MSL2: variants seen among roughly 807,000 people sequenced by gnomAD.
The protein encoded by MSL2 is MSL complex subunit 2.
A neutral mutation model predicts 35.8 loss-of-function variants in MSL2; 2 were observed. The observed-to-expected ratio is 0.06, with a 90% confidence interval of 0.02 to 0.18. The LOEUF is 0.18. Among genes scored for constraint, MSL2 ranks in the 10% least tolerant of loss-of-function variants. The pLI is 1.00. For missense variants in MSL2, 523 were observed against 706.7 expected, an observed-to-expected ratio of 0.74 and a Z score of 2.95; for synonymous variants, 296 against 255.7, an observed-to-expected ratio of 1.16 and a Z score of -1.50.
chr3:136,180,800 G>GGAAGGAAGGAAGGAAGGAA (rs1559969269), intron 1 of MSL2, among the ~76,000 whole-genome samples: 1 of 49,522 alleles, frequency 2.0e-5, no homozygotes, highest in African/African-American at 9.4e-5. Flanking sequence ...GAGGGAGGGA[G>GGAAGGAAGGAAGGAAGGAA]GGAGGGAGGG....
chr3:136,152,942 T>C (rs1056189000), intron 1 of MSL2: 1 of 985,318 alleles, frequency 1.0e-6, no homozygotes, highest in African/African-American at 1.7e-5. Flanking sequence ...CATTCAGTTA[T>C]CTCAAACCAA....
chr3:136,166,456 TTTG>T lies in MSL2; in HGVS notation c.143-13721_143-13719del, dbSNP rs775485627. On this transcript the variant is annotated intron_variant, in intron 1 of 1. Coordinates refer to ENST00000309993, the MANE Select transcript of MSL2 (RefSeq NM_018133.4). ...CAGCCACCAAAAAGAAAAAAAAAAA[TTTG>T]TTAAGTAATATTTTTTTGAATCAAC... Among the ~76,000 whole-genome samples the T allele has an allele frequency of 4.6e-5, 7 of 151,934 alleles. No individual in the cohort carries two copies. In the South Asian group the frequency reaches 6.3e-4, roughly 14 times the overall value.
intron 1 of MSL2, among the ~76,000 whole-genome samples, chr3:136,174,108 G>C (rs1242040296): frequency 6.6e-6 from 1 of 152,086 alleles, no homozygotes; most frequent in Admixed American, 6.5e-5. Context: ...ACATTATATT[G>C]TCATTGTTCA....
At chr3:136,189,774 G>GA (rs1940631607) in intron 1 of MSL2, among the ~76,000 whole-genome samples, 1 of 143,078 alleles carries the variant, frequency 7.0e-6, no homozygotes, top group South Asian at 2.2e-4. Flanking sequence ...GGTAAACTAA[G>GA]AAAAAACTGT....
chr3:136,178,987 T>C (rs1387689815), intron 1 of MSL2, among the ~76,000 whole-genome samples: 1 of 116,920 alleles, frequency 8.6e-6, no homozygotes, highest in African/African-American at 4.5e-5. Flanking sequence ...TTCTTTTTTT[T>C]TTTTTTTTTT....
intron 1 of MSL2, among the ~76,000 whole-genome samples, chr3:136,186,938 T>C (rs1242215424): frequency 2.0e-5 from 3 of 152,126 alleles, no homozygotes; most frequent in Non-Finnish European, 1.5e-5. Flanking sequence ...ACCTAAACAA[T>C]ATAAATACTA....
At position 136,170,636 on chromosome 3, in the gene MSL2, G is replaced by A. The variant is rs183429350; in HGVS notation, c.143-17898C>T. Among the ~76,000 whole-genome samples, 525 of 149,888 alleles carry A rather than the reference G, an allele frequency of 3.5e-3. 7 individuals are homozygous for A. In the East Asian group the frequency reaches 0.05, roughly 14 times the overall value. ...CGATTCTCCTGCCTCAGCCTCCCGAGTAGCTGGGACTACAGGCGTGCGTCA... is the reference window on the plus strand; with the variant it reads ...CGATTCTCCTGCCTCAGCCTCCCGAATAGCTGGGACTACAGGCGTGCGTCA... On this transcript the variant is annotated intron_variant, in intron 1 of 1. Coordinates refer to ENST00000309993, the MANE Select transcript of MSL2 (RefSeq NM_018133.4).
At chr3:136,192,377 C>T (rs185766039) in intron 1 of MSL2, among the ~76,000 whole-genome samples, 1 of 152,034 alleles carries the variant, frequency 6.6e-6, no homozygotes, top group African/African-American at 2.4e-5. Flanking sequence ...TGGGGTTTCA[C>T]TATGTTGGCC....
chr3:136,168,323 T>C (rs1939909434), intron 1 of MSL2, among the ~76,000 whole-genome samples: 1 of 152,104 alleles, frequency 6.6e-6, no homozygotes, highest in South Asian at 2.1e-4. Context: ...TTAAAATCAT[T>C]ACTAAAGAAA....
intron 1 of MSL2, among the ~76,000 whole-genome samples, chr3:136,182,741 T>G: frequency 6.7e-6 from 1 of 149,214 alleles, no homozygotes; most frequent in Non-Finnish European, 1.5e-5. Context: ...GAGAAAGAAG[T>G]CCAGAGTGGT....
intron 1 of MSL2, among the ~76,000 whole-genome samples, chr3:136,191,204 C>T (rs1238293939): frequency 6.6e-6 from 1 of 152,146 alleles, no homozygotes; most frequent in African/African-American, 2.4e-5. Flanking sequence ...CACGGTGGCT[C>T]ACACCTGTAA....
intron 1 of MSL2, among the ~76,000 whole-genome samples, chr3:136,190,369 G>A (rs540670316): frequency 6.6e-6 from 1 of 152,208 alleles, no homozygotes; most frequent in South Asian, 2.1e-4. Flanking sequence ...AGACAACACA[G>A]CAAGGCCACA....
chr3:136,169,458 G>GT (rs944585478), intron 1 of MSL2, among the ~76,000 whole-genome samples: 83 of 151,666 alleles, frequency 5.5e-4, no homozygotes, highest in Non-Finnish European at 9.0e-4. Context: ...TGTTTTTTGT[G>GT]TTTTTTTTGA....
intron 1 of MSL2, among the ~76,000 whole-genome samples, chr3:136,174,104 T>C (rs1940102944): frequency 6.6e-6 from 1 of 152,254 alleles, no homozygotes; most frequent in South Asian, 2.1e-4. Flanking sequence ...AATCACATTA[T>C]ATTGTCATTG....
intron 1 of MSL2, among the ~76,000 whole-genome samples, chr3:136,162,007 G>A (rs1017509417): frequency 9.2e-5 from 14 of 151,538 alleles, no homozygotes; most frequent in African/African-American, 2.4e-4. Context: ...GCGTGATCTC[G>A]GCTCACTACA....
intron 1 of MSL2, among the ~76,000 whole-genome samples, chr3:136,187,750 ATT>A (rs765025308): frequency 1.6e-4 from 25 of 152,108 alleles, no homozygotes; most frequent in Non-Finnish European, 3.4e-4. Flanking sequence ...CTACTTAAAT[ATT>A]GTTTTTCAAA....
At chr3:136,154,904 A>C (rs1302880969) in intron 1 of MSL2, among the ~76,000 whole-genome samples, 1 of 152,146 alleles carries the variant, frequency 6.6e-6, no homozygotes, top group Non-Finnish European at 1.5e-5. Context: ...AAAAAATTAT[A>C]ATACATTTTA....
chr3:136,163,949 T>A (rs930691921), intron 1 of MSL2, among the ~76,000 whole-genome samples: 4 of 152,222 alleles, frequency 2.6e-5, no homozygotes, highest in African/African-American at 9.7e-5. Context: ...TGTGAGTCAA[T>A]TAAGCCTCTT....
At chr3:136,158,122 A>T (rs1381607324) in intron 1 of MSL2, among the ~76,000 whole-genome samples, 1 of 151,952 alleles carries the variant, frequency 6.6e-6, no homozygotes, top group Non-Finnish European at 1.5e-5. Flanking sequence ...GACCAGCCTG[A>T]CCAACATGGA....
Sources: gnomAD v4.1 joint callset for allele counts (sites outside exome capture counted in the v4.1 genomes callset) on GRCh38, gnomAD v4.1.1 for gene constraint, MANE v1.5 for transcripts, NCBI Gene and HGNC (gene_info 2026-07-23, HGNC 2026-07-21) for gene names.